Variants in DDX51 observed in about 807,000 individuals in gnomAD.
DDX51 encodes ATP-dependent RNA helicase DDX51.
Under a neutral mutation model 74.6 loss-of-function variants are expected in DDX51, and 67 were observed. The ratio of observed to expected loss-of-function variants is 0.90; its 90% CI spans 0.74 to 1.10. The LOEUF (loss-of-function observed/expected upper bound fraction) is 1.10, where lower values mean the gene tolerates loss of function less well. DDX51 is among the 50% of genes least tolerant of loss of function. The pLI, the probability that DDX51 is intolerant of heterozygous loss-of-function variation, is 0.00. For missense variants in DDX51, 1,056 were observed against 905.2 expected (o/e 1.17, Z -2.14); for synonymous variants, 545 against 402.9 (o/e 1.35, Z -4.22).
intron 8 of DDX51, 44 bp from the exon 9 acceptor site, chr12:132,141,064 C>G: frequency 6.4e-7 from 1 of 1,551,672 alleles, no homozygotes; most frequent in Non-Finnish European, 8.7e-7. Context: ...CAGTGGCTGC[C>G]CCGAACCTCC....
chr12:132,140,214 A>G lies in DDX51; in HGVS notation c.1674-15T>C. ...TGCTGATGAGCCTGCCGGGACACGC[A>G]GCATTGTGGGCCCGACGTGCCAGGA... On this transcript the variant is annotated splice_polypyrimidine_tract_variant and intron_variant, in intron 11 of 14. Transcript: ENST00000397333. 1.2e-6 allele frequency: 2 copies of G among 1,608,776 alleles called. No homozygotes were observed. The highest frequency in any genetic ancestry group is 2.2e-5 in the East Asian group (1 of 44,774).
In DDX51 at chr12:132,141,314, AGG is replaced by A; in HGVS notation, c.1209_1210del (p.Leu404AlafsTer35). The A allele has an allele frequency of 6.3e-7, 1 of 1,598,196 alleles. No individual in the cohort carries two copies. The highest frequency in any genetic ancestry group is 8.5e-7 in the Non-Finnish European group (1 of 1,179,102). On this transcript the variant is annotated frameshift_variant, in exon 8 of 15. Transcript: ENST00000397333. LOFTEE classifies it high-confidence loss of function. ...AGCCTGGGCCTGCCTTCGCTGGAGC[AGG>A]GCACAGGGGTCCGCGGGGTCCTCGC... is the stretch of plus-strand genomic sequence containing the variant.
chr12:132,143,428 C>G (rs1282188885), intron 2 of DDX51: 2 of 565,070 alleles, frequency 3.5e-6, no homozygotes, highest in Non-Finnish European at 6.2e-6. Flanking sequence ...GAGCGCACAG[C>G]AGGAAACCCC....
Position 132,139,086 on chromosome 12 carries a change from C to T in DDX51, c.*186G>A. 1 of 773,404 alleles carries T rather than the reference C, an allele frequency of 1.3e-6. No homozygotes were observed. The highest frequency in any genetic ancestry group is 1.8e-5 in the South Asian group (1 of 56,170). 47.9% of individuals were successfully genotyped at this position (773,404 alleles called of 1,614,324 possible). On this transcript the variant is annotated 3_prime_UTR_variant, in exon 15 of 15. Coordinates refer to ENST00000397333, the MANE Select transcript of DDX51 (RefSeq NM_175066.4). ...TGAAAGTGACAAGCCCTGAAGTCTCCAGTCGGGGCAGGTGCTTGAGCTCTG... is the reference window on the plus strand; with the variant it reads ...TGAAAGTGACAAGCCCTGAAGTCTCTAGTCGGGGCAGGTGCTTGAGCTCTG...
At position 132,139,721 on chromosome 12, in the gene DDX51, G is replaced by A. The variant is rs780187730; in HGVS notation, c.1888C>T (p.Gln630Ter). ...MLTEAGAPELQRHELSSKLLQ... is the reference protein window; with the variant it reads ...MLTEAGAPEL Reference sequence around the variant, plus strand: ...AGCTTGCTGGAGAGCTCGTGCCGCTGCAACTCAGGTGCCCCAGCTTCAGTT... The same window carrying A: ...AGCTTGCTGGAGAGCTCGTGCCGCTACAACTCAGGTGCCCCAGCTTCAGTT... Residue 630 changes from glutamine (Q) to a stop codon, truncating the protein, a stop_gained, in exon 14 of 15, where the codon CAG (glutamine) becomes TAG (stop). Transcript: ENST00000397333. LOFTEE classifies it high-confidence loss of function. The A allele has an allele frequency of 4.3e-6, 7 of 1,613,080 alleles. No homozygotes were observed. Among genetic ancestry groups the A allele is most frequent in the Non-Finnish European group, 5.9e-6 (7 of 1,180,022 alleles).
At chr12:132,143,267 C>T (rs1020890231) in intron 2 of DDX51, 2 of 406,134 alleles carry the variant, frequency 4.9e-6, no homozygotes, top group African/African-American at 4.1e-5. Context: ...CCTCCACCTG[C>T]CCTACCTAAG....
chr12:132,143,680 C>T lies in DDX51; in HGVS notation c.519+15G>A, dbSNP rs1181716915. The T allele has an allele frequency of 1.3e-6, 2 of 1,537,132 alleles. No individual in the cohort carries two copies. Among genetic ancestry groups the T allele is most frequent in the African/African-American group, 1.4e-5 (1 of 72,114 alleles). ...CCCTCTCACGCCGACCACCCTCCCGCCCGCCGAGGCTCACCTTCGGCGCCT... is the reference window on the plus strand; with the variant it reads ...CCCTCTCACGCCGACCACCCTCCCGTCCGCCGAGGCTCACCTTCGGCGCCT... On this transcript the variant is annotated intron_variant, in intron 2 of 14. Transcript: ENST00000397333.
rs373528803 is a variant in DDX51, at chr12:132,142,794, T to C, written c.604A>G (p.Ile202Val). ...VTEDLVPIED[I>V]PDVHPDLQKQ... ...TGCAGGTCAGGATGGACGTCAGGGA[T>C]GTCCTCGATAGGAACCAGGTCTTCG... is the stretch of plus-strand genomic sequence containing the variant. The change falls in exon 3 of 15, where the codon ATC becomes GTC. Residue 202 changes from isoleucine to valine, a missense_variant. Coordinates refer to ENST00000397333, the MANE Select transcript of DDX51 (RefSeq NM_175066.4). The C allele has an allele frequency of 2.5e-6, 4 of 1,613,110 alleles. No individual in the cohort carries two copies. In the Admixed American group the frequency reaches 5.0e-5, roughly 20 times the overall value.
Position 132,141,288 on chromosome 12 carries a change from C to G in DDX51, c.1237G>C (p.Val413Leu), listed in dbSNP as rs1252407933. 2 of 1,593,992 alleles carry G rather than the reference C, an allele frequency of 1.3e-6. No homozygotes were observed. Among genetic ancestry groups the G allele is most frequent in the Non-Finnish European group, 1.7e-6 (2 of 1,176,624 alleles). The change falls in exon 8 of 15, where the codon GTG becomes CTG. Residue 413 changes from valine (V) to leucine (L), a missense_variant. Physicochemically the swap from Val to Leu is conservative, Grantham distance 32. Transcript: ENST00000397333. Reference sequence around the variant, plus strand: ...GCTGCTGGATACCTGGCGGCTGTCACAGCCTGGGCCTGCCTTCGCTGGAGC... The same window carrying G: ...GCTGCTGGATACCTGGCGGCTGTCAGAGCCTGGGCCTGCCTTCGCTGGAGC... ...ALLQRRQAQA[V>L]TAASTCCPQM...
rs1487571203 is a variant in DDX51, at chr12:132,141,037, TGTTGCTGGCACCCTACCA to T, written c.1251-35_1251-18del. 2 of 1,581,276 alleles carry T rather than the reference TGTTGCTGGCACCCTACCA, an allele frequency of 1.3e-6. No individual in the cohort carries two copies. Among genetic ancestry groups the T allele is most frequent in the South Asian group, 2.3e-5 (2 of 87,828 alleles). On this transcript the variant is annotated intron_variant, in intron 8 of 14. Coordinates refer to ENST00000397333, the MANE Select transcript of DDX51 (RefSeq NM_175066.4). ...CAGCAGGTGCTGGAAGAGAAGGGGG[TGTTGCTGGCACCCTACCA>T]GTGGCTGCCCCGAACCTCCAGGGAA...
intron 14 of DDX51, 119 bp downstream of exon 14, chr12:132,139,516 T>A: frequency 6.3e-7 from 1 of 1,590,740 alleles, no homozygotes; most frequent in Non-Finnish European, 8.6e-7. Flanking sequence ...ACAACCTGTG[T>A]GACCCTCTGT....
At position 132,143,740 on chromosome 12, in the gene DDX51, G is replaced by T. The variant is rs191101265; in HGVS notation, c.474C>A (p.Val158=). ...PALEEAAGPL[V]PGLVLGGFGK... is the part of the protein sequence containing the mutation. ...CGAACCCCCCCAGCACCAGGCCGGG[G>T]ACCAGGGGTCCGGCCGCCTCCTCCA... The change falls in exon 2 of 15, where the codon GTC becomes GTA. Residue 158 remains valine (V), a synonymous_variant. Coordinates refer to ENST00000397333, the MANE Select transcript of DDX51 (RefSeq NM_175066.4). The T allele has an allele frequency of 1.4e-5, 21 of 1,530,104 alleles. No homozygotes were observed. The South Asian group carries it at 2.5e-4, about 18-fold the overall frequency. The allele number at this position is 1,530,104 out of a possible 1,614,324, so 94.8% of individuals were successfully genotyped here. A position where few individuals can be genotyped will look rare whatever the true frequency, so the allele number is the denominator to read the frequency against.
rs937238061 is a variant in DDX51, at chr12:132,144,273, C to T, written c.24G>A (p.Arg8=). MALFYVA[R]YPGPDAAAAA... Reference sequence around the variant, plus strand: ...CAGCTGCCGCATCGGGGCCCGGGTACCGCGCGACGTAGAACAGCGCCATGG... The same window carrying T: ...CAGCTGCCGCATCGGGGCCCGGGTATCGCGCGACGTAGAACAGCGCCATGG... Residue 8 remains arginine (R), a synonymous_variant, in exon 1 of 15, where the codon CGG becomes CGA. Coordinates refer to ENST00000397333, the MANE Select transcript of DDX51 (RefSeq NM_175066.4). The T allele has an allele frequency of 2.4e-6, 3 of 1,253,674 alleles. No homozygotes were observed. Among genetic ancestry groups the T allele is most frequent in the Middle Eastern group, 3.1e-4 (1 of 3,258 alleles). The allele number at this position is 1,253,674 out of a possible 1,614,324, so 77.7% of individuals were successfully genotyped here.
intron 3 of DDX51, 124 bp downstream of exon 3, chr12:132,142,604 T>G: frequency 6.7e-7 from 1 of 1,485,434 alleles, no homozygotes; most frequent in Non-Finnish European, 9.0e-7. Flanking sequence ...ACCATGAGCT[T>G]GAGAGTGCTG....
chr12:132,141,291 C>A lies in DDX51; in HGVS notation c.1234G>T (p.Ala412Ser). Reference sequence around the variant, plus strand: ...GCTGGATACCTGGCGGCTGTCACAGCCTGGGCCTGCCTTCGCTGGAGCAGG... The same window carrying A: ...GCTGGATACCTGGCGGCTGTCACAGACTGGGCCTGCCTTCGCTGGAGCAGG... ...CALLQRRQAQ[A>S]VTAASTCCPQ... The change falls in exon 8 of 15, where the codon GCT (alanine) becomes TCT (serine). Residue 412 changes from alanine to serine, a missense_variant. Transcript: ENST00000397333. 1.9e-6 allele frequency: 3 copies of A among 1,595,804 alleles called. No homozygotes were observed. The highest frequency in any genetic ancestry group is 2.5e-6 in the Non-Finnish European group (3 of 1,177,740).
At chr12:132,142,255 G>A (rs554279732) in intron 4 of DDX51, 22 bp downstream of exon 4, 25 of 1,611,556 alleles carry the variant, frequency 1.6e-5, no homozygotes, top group East Asian at 8.9e-5. Flanking sequence ...CCGCTGTAGA[G>A]AAAGGGGACC....
Position 132,140,999 on chromosome 12 carries a change from G to C in DDX51, c.1272C>G (p.Pro424=). ...TAASTCCPQM[P]LQKLLFSATL... ...TAGCTGAGAAGAGCAGCTTCTGCAG[G>C]GGCATCTGGGGACAGCAGGTGCTGG... Residue 424 remains proline (P), a synonymous_variant, in exon 9 of 15, where the codon CCC becomes CCG. Transcript: ENST00000397333. The C allele has an allele frequency of 6.3e-7, 1 of 1,598,308 alleles. No homozygotes were observed. Among genetic ancestry groups the C allele is most frequent in the Non-Finnish European group, 8.5e-7 (1 of 1,174,488 alleles).
intron 14 of DDX51, 60 bp from the exon 15 acceptor site, chr12:132,139,358 C>T (rs1897360838): frequency 6.3e-7 from 1 of 1,587,128 alleles, no homozygotes; most frequent in Non-Finnish European, 8.6e-7. Context: ...GTCTGTGGGG[C>T]CCCGGGCTCT....
intron 4 of DDX51, 32 bp downstream of exon 4, chr12:132,142,245 C>T (rs761777199): frequency 6.2e-7 from 1 of 1,609,362 alleles, no homozygotes; most frequent in Non-Finnish European, 8.5e-7. Context: ...CTCTGCACAC[C>T]CGCTGTAGAG....
Sources: gnomAD v4.1 joint callset for allele counts on GRCh38, gnomAD v4.1.1 for gene constraint, MANE v1.5 for transcripts, NCBI Gene and HGNC (gene_info 2026-07-23, HGNC 2026-07-21) for gene names.